Variants in CHN1 observed in about 807,000 individuals in gnomAD.
CHN1 encodes chimerin 1, also known as N-chimaerin.
CHN1 carries 37 observed loss-of-function variants against 59.5 expected under a neutral mutation model. The observed-to-expected ratio is 0.62, with a 90% CI of 0.48 to 0.82. The LOEUF is 0.82. Among genes scored for constraint, CHN1 ranks in the 40% least tolerant of loss-of-function variants. The pLI is 0.00. For synonymous variants in CHN1, 206 were observed against 200.4 expected, an observed-to-expected ratio of 1.03 and a Z score of -0.24; for missense variants, 469 against 571.0, an observed-to-expected ratio of 0.82 and a Z score of 1.82.
At chr2:174,914,927 T>A in intron 5 of CHN1, 131 bp downstream of exon 5, 1 of 525,240 alleles carries the variant, frequency 1.9e-6, no homozygotes, top group Admixed American at 3.4e-5. Flanking sequence ...CTCAAAGCTA[T>A]TAAAATGGTA....
At chr2:174,988,672 C>T (rs1414420327) in intron 1 of CHN1, among the ~76,000 whole-genome samples, 2 of 152,256 alleles carry the variant, frequency 1.3e-5, no homozygotes, top group East Asian at 3.9e-4. Flanking sequence ...GCCTATAAAA[C>T]TCATCACTGG....
At chr2:174,808,368 C>T (rs1574038741) in intron 11 of CHN1, among the ~76,000 whole-genome samples, 4 of 152,248 alleles carry the variant, frequency 2.6e-5, no homozygotes, top group Admixed American at 2.0e-4. Context: ...ACTGCAACCT[C>T]TGCCTCCCGG....
chr2:174,804,037 C>G (rs1418559760), intron 11 of CHN1, among the ~76,000 whole-genome samples: 1 of 152,064 alleles, frequency 6.6e-6, no homozygotes, highest in Non-Finnish European at 1.5e-5. Flanking sequence ...GGGTGACTGA[C>G]AATAAACCAT....
intron 3 of CHN1, among the ~76,000 whole-genome samples, chr2:174,924,079 T>G (rs1689096047): frequency 6.6e-6 from 1 of 152,228 alleles, no homozygotes; most frequent in South Asian, 2.1e-4. Flanking sequence ...TAAGAATTAT[T>G]TTAAACTGAA....
chr2:174,969,050 A>C (rs1456395462), intron 1 of CHN1, among the ~76,000 whole-genome samples: 1 of 152,186 alleles, frequency 6.6e-6, no homozygotes, highest in African/African-American at 2.4e-5. Flanking sequence ...AAAATATACT[A>C]TATATATGTG....
At chr2:174,964,201 G>A (rs1295906953) in intron 1 of CHN1, among the ~76,000 whole-genome samples, 1 of 152,186 alleles carries the variant, frequency 6.6e-6, no homozygotes, top group Non-Finnish European at 1.5e-5. Flanking sequence ...TCTAAAGCAA[G>A]CCTGGATAAT....
chr2:174,840,765 A>G (rs918117593), intron 7 of CHN1, among the ~76,000 whole-genome samples: 6 of 152,196 alleles, frequency 3.9e-5, no homozygotes, highest in African/African-American at 9.6e-5. Flanking sequence ...TAGTATGTTC[A>G]ACAGCAATTT....
At chr2:174,991,119 C>T (rs1446197502) in intron 1 of CHN1, among the ~76,000 whole-genome samples, 3 of 152,166 alleles carry the variant, frequency 2.0e-5, no homozygotes, top group Non-Finnish European at 4.4e-5. Context: ...TTAGTGACAT[C>T]TATTCAGCAA....
intron 3 of CHN1, among the ~76,000 whole-genome samples, chr2:174,921,647 C>T (rs1689019854): frequency 1.3e-5 from 2 of 151,970 alleles, no homozygotes; most frequent in African/African-American, 4.8e-5. Flanking sequence ...ACTCACAGTT[C>T]CGCATGGCTG....
intron 11 of CHN1, among the ~76,000 whole-genome samples, chr2:174,807,264 G>A (rs1481780472): frequency 6.6e-6 from 1 of 152,208 alleles, no homozygotes; most frequent in Non-Finnish European, 1.5e-5. Context: ...ATATGGCGGT[G>A]TGTGGAGTTC....
At chr2:174,974,152 A>C (rs562661095) in intron 1 of CHN1, among the ~76,000 whole-genome samples, 2 of 152,328 alleles carry the variant, frequency 1.3e-5, no homozygotes, top group South Asian at 4.1e-4. Context: ...GTTTACTAAA[A>C]TGGAAAGGTG....
chr2:174,986,894 G>A (rs1258812993), intron 1 of CHN1, among the ~76,000 whole-genome samples: 4 of 151,626 alleles, frequency 2.6e-5, no homozygotes, highest in African/African-American at 7.3e-5. Context: ...CCACCACCAC[G>A]CCCAGCTAAT....
chr2:174,842,944 G>A (rs1315417649), intron 7 of CHN1, among the ~76,000 whole-genome samples: 26 of 152,180 alleles, frequency 1.7e-4, no homozygotes, highest in Admixed American at 9.8e-4. Context: ...TACCTGAAAT[G>A]AAAATCAACA....
At chr2:174,854,624 TTCTG>T (rs1686840765) in intron 6 of CHN1, among the ~76,000 whole-genome samples, 1 of 152,194 alleles carries the variant, frequency 6.6e-6, no homozygotes, top group Non-Finnish European at 1.5e-5. Flanking sequence ...ACTGATTTAT[TTCTG>T]TCTTTGTTTC....
At chr2:174,859,710 T>C (rs1387458578) in intron 6 of CHN1, among the ~76,000 whole-genome samples, 1 of 152,190 alleles carries the variant, frequency 6.6e-6, no homozygotes, top group Non-Finnish European at 1.5e-5. Context: ...GCAGCCAAGA[T>C]GGAAACCAGG....
At chr2:174,809,694 A>T (rs1445927667) in intron 10 of CHN1, among the ~76,000 whole-genome samples, 1 of 152,226 alleles carries the variant, frequency 6.6e-6, no homozygotes, top group Admixed American at 6.5e-5. Flanking sequence ...AAATCCTGGA[A>T]TCTGATATCC....
chr2:174,965,237 C>T (rs908159137), intron 1 of CHN1, among the ~76,000 whole-genome samples: 14 of 151,928 alleles, frequency 9.2e-5, no homozygotes, highest in African/African-American at 2.2e-4. Flanking sequence ...TATTTACATC[C>T]GCTATATCTA....
rs540369060 is a variant in CHN1, at chr2:174,935,793, C to T, written c.114+9095G>A. ...AACAAAACAAAACAAAAAAGCCAGG[C>T]ACGGCGGTGCACACATGCAGTCCCA... On this transcript the variant is annotated intron_variant, in intron 3 of 12. Coordinates refer to ENST00000409900, the MANE Select transcript of CHN1 (RefSeq NM_001822.7). Among the ~76,000 whole-genome samples, 6 of 152,022 alleles carry T rather than the reference C, an allele frequency of 3.9e-5. 1 individual carries two copies. The highest frequency in any genetic ancestry group is 1.2e-4 in the African/African-American group (5 of 41,474).
chr2:174,921,491 T>G (rs1336390296), intron 3 of CHN1, among the ~76,000 whole-genome samples: 1 of 152,132 alleles, frequency 6.6e-6, no homozygotes, highest in Non-Finnish European at 1.5e-5. Context: ...AAAATAAATT[T>G]TTAATATGTG....
Sources: allele counts gnomAD v4.1 joint callset (sites outside exome capture counted in the v4.1 genomes callset), GRCh38; gene constraint gnomAD v4.1.1; transcripts MANE v1.5; gene names NCBI Gene and HGNC (gene_info 2026-07-23, HGNC 2026-07-21).